The following P2RX5 variants were observed in gnomAD, a reference collection of about 807,000 sequenced individuals.
P2RX5 encodes P2X purinoceptor 5.
Under a neutral mutation model 54.1 loss-of-function variants are expected in P2RX5, and 46 were observed. The ratio of observed to expected loss-of-function variants is 0.85; its 90% CI spans 0.67 to 1.09. The LOEUF (loss-of-function observed/expected upper bound fraction) is 1.09, where lower values mean the gene tolerates loss of function less well. P2RX5 is among the 50% of genes least tolerant of loss of function. The pLI is 0.00. For missense variants in P2RX5, 566 were observed against 549.8 expected (o/e 1.03, Z -0.29); for synonymous variants, 226 against 226.4 (o/e 1.00, Z 0.02).
chr17:3,721,166 C>T, the P2RX5 span, among the ~76,000 whole-genome samples: 24,272 of 151,108 alleles, frequency 0.16, 2,321 homozygotes, highest in Non-Finnish European at 0.22. Context: ...TGGGCTCAAG[C>T]AATCCACCCA....
Position 3,689,876 on chromosome 17 carries a change from ACACGCACACACACAAACG to A in P2RX5, c.614+176_614+193del, listed in dbSNP as rs111747100. ...CGTGCACGCACGCACACACGCGAAC[ACACGCACACACACAAACG>A]CACGCACACATGCACACAGACACAT... On this transcript the variant is annotated intron_variant, in intron 6 of 11. Coordinates refer to ENST00000225328, the MANE Select transcript of P2RX5 (RefSeq NM_002561.4). 7.3e-3 allele frequency among the ~76,000 whole-genome samples: 1,110 copies of A among 152,124 alleles called. 11 individuals are homozygous for A. The highest frequency in any genetic ancestry group is 0.025 in the African/African-American group (1,014 of 41,376).
chr17:3,692,938 A>G (rs1243544248), intron 1 of P2RX5, among the ~76,000 whole-genome samples: 1 of 152,214 alleles, frequency 6.6e-6, no homozygotes, highest in African/African-American at 2.4e-5. Context: ...AAAAATTTAA[A>G]ATGTTCATGC....
intron 1 of P2RX5, among the ~76,000 whole-genome samples, chr17:3,693,758 ATTAAAAAT>A (rs912331918): frequency 6.6e-6 from 1 of 152,046 alleles, no homozygotes; most frequent in African/African-American, 2.4e-5. Flanking sequence ...AATAATAATA[ATTAAAAAT>A]TGAAAAATTG....
upstream of P2RX5, among the ~76,000 whole-genome samples, chr17:3,701,081 C>T (rs1014283679): frequency 5.9e-5 from 9 of 152,278 alleles, no homozygotes; most frequent in East Asian, 3.9e-4. Context: ...AAATAAAGGA[C>T]GGGATGAGCA....
chr17:3,701,612 A>T, the P2RX5 span, among the ~76,000 whole-genome samples: 1 of 150,072 alleles, frequency 6.7e-6, no homozygotes, highest in South Asian at 2.2e-4. Flanking sequence ...GAATCACTTG[A>T]ACCCAGGAAG....
upstream of P2RX5, among the ~76,000 whole-genome samples, chr17:3,699,875 A>AAGAAAGAG (rs1321948437): frequency 3.5e-4 from 6 of 16,946 alleles, no homozygotes; most frequent in Non-Finnish European, 9.2e-4. Flanking sequence ...GAAAGAAAGA[A>AAGAAAGAG]AGGAAGGAAG....
At chr17:3,723,109 G>A in the P2RX5 span, among the ~76,000 whole-genome samples, 21 of 152,216 alleles carry the variant, frequency 1.4e-4, no homozygotes, top group Non-Finnish European at 2.6e-4. Context: ...TACTGTAACT[G>A]GAGTATATCT....
chr17:3,677,110 G>A (rs994593587), intron 11 of P2RX5: 3 of 985,272 alleles, frequency 3.0e-6, no homozygotes, highest in Non-Finnish European at 3.6e-6. Context: ...TGGAGGCAGA[G>A]AGCAGCTGAG....
chr17:3,674,166 T>C (rs560140811), intron 11 of P2RX5, among the ~76,000 whole-genome samples: 1 of 152,010 alleles, frequency 6.6e-6, no homozygotes, highest in Admixed American at 6.5e-5. Flanking sequence ...TACAAAAAAT[T>C]AGCCGGGCGA....
intron 10 of P2RX5, among the ~76,000 whole-genome samples, chr17:3,680,762 T>C (rs934987545): frequency 1.6e-5 from 1 of 62,862 alleles, no homozygotes; most frequent in African/African-American, 5.0e-5. Context: ...TCCTCCACCC[T>C]GCATCCTCCA....
At chr17:3,699,878 G>GAAAGAAAGAAAGAAAGA (rs1567744305), upstream of P2RX5, among the ~76,000 whole-genome samples, 4 of 33,262 alleles carry the variant, frequency 1.2e-4, 1 homozygote, top group East Asian at 1.7e-3. Flanking sequence ...AGAAAGAAAG[G>GAAAGAAAGAAAGAAAGA]AAGGAAGGAA....
chr17:3,716,245 A>G, the P2RX5 span, among the ~76,000 whole-genome samples: 1 of 145,396 alleles, frequency 6.9e-6, no homozygotes, highest in Non-Finnish European at 1.5e-5. Flanking sequence ...GATCTTAAAT[A>G]GCAGTAGAAG....
chr17:3,719,234 TCA>T, the P2RX5 span, among the ~76,000 whole-genome samples: 1 of 34,838 alleles, frequency 2.9e-5, no homozygotes, highest in African/African-American at 1.2e-4. Flanking sequence ...AGATTCTTCC[TCA>T]AAAAAAAAAA....
chr17:3,714,224 G>A, the P2RX5 span, among the ~76,000 whole-genome samples: 1 of 150,986 alleles, frequency 6.6e-6, no homozygotes, highest in African/African-American at 2.4e-5. Context: ...ACCGCACCCC[G>A]CCTATTTTGT....
At chr17:3,699,095 C>CTATA (rs2050799146), upstream of P2RX5, among the ~76,000 whole-genome samples, 1 of 100,192 alleles carries the variant, frequency 1.0e-5, no homozygotes, top group Admixed American at 1.2e-4. Flanking sequence ...ACACACACAC[C>CTATA]TATATATATA....
At chr17:3,692,062 C>A in intron 1 of P2RX5, 1 of 484,718 alleles carries the variant, frequency 2.1e-6, no homozygotes, top group East Asian at 3.9e-5. Context: ...TGGCTCACGC[C>A]TATAATCCGA....
chr17:3,702,037 C>T, the P2RX5 span, among the ~76,000 whole-genome samples: 1 of 152,128 alleles, frequency 6.6e-6, no homozygotes, highest in African/African-American at 2.4e-5. Flanking sequence ...CCTGGGCCTC[C>T]CAAAGTGCTG....
At chr17:3,694,989 C>G (rs968822479) in intron 1 of P2RX5, among the ~76,000 whole-genome samples, 4 of 152,170 alleles carry the variant, frequency 2.6e-5, no homozygotes, top group Non-Finnish European at 5.9e-5. Context: ...AGGTGGGAGG[C>G]GGCCAGGGGC....
At chr17:3,688,184 G>C (rs2050503620) in intron 8 of P2RX5, 79 bp from the exon 9 acceptor site, 7 of 809,570 alleles carry the variant, frequency 8.6e-6, no homozygotes, top group Middle Eastern at 2.2e-4. Context: ...GGCTGCTCTG[G>C]GGACTTAGAA....
Sources: allele counts gnomAD v4.1 joint callset (sites outside exome capture counted in the v4.1 genomes callset), GRCh38; gene constraint gnomAD v4.1.1; transcripts MANE v1.5; gene names NCBI Gene and HGNC (gene_info 2026-07-23, HGNC 2026-07-21).